The following SCAF4 variants were observed in gnomAD, a reference collection of about 807,000 sequenced individuals.
SCAF4 encodes the protein SR-related and CTD-associated factor 4.
Under a neutral mutation model 129.8 loss-of-function variants are expected in SCAF4, and 25 were observed. The observed-to-expected ratio is 0.19, with a 90% CI of 0.14 to 0.27. SCAF4 has a LOEUF of 0.27. Ranked by LOEUF, SCAF4 falls within the 10% of genes least tolerant of loss-of-function variation. SCAF4 has a pLI of 1.00. For missense variants in SCAF4, 1,246 were observed against 1,457.1 expected (o/e 0.86, Z 2.36); for synonymous variants, 551 against 497.7 (o/e 1.11, Z -1.43).
At chr21:31,704,596 CAG>C (rs1051299205) in intron 3 of SCAF4, among the ~76,000 whole-genome samples, 23 of 151,188 alleles carry the variant, frequency 1.5e-4, no homozygotes, top group East Asian at 1.4e-3. Context: ...GTAACAACCG[CAG>C]AGGAGTATTT....
At chr21:31,708,740 T>G (rs2050728764) in intron 1 of SCAF4, among the ~76,000 whole-genome samples, 2 of 152,296 alleles carry the variant, frequency 1.3e-5, no homozygotes, top group South Asian at 4.1e-4. Context: ...CTAGAAACCC[T>G]CCCTTCCTTG....
intron 16 of SCAF4, among the ~76,000 whole-genome samples, chr21:31,687,325 A>C (rs1354638871): frequency 6.6e-6 from 1 of 152,200 alleles, no homozygotes; most frequent in African/African-American, 2.4e-5. Context: ...ATATTATCTC[A>C]TTTAACCCTC....
In SCAF4 at chr21:31,694,267, C is replaced by G. The variant is rs772888194; in HGVS notation, c.1259G>C (p.Cys420Ser). 1.9e-6 allele frequency: 3 copies of G among 1,604,994 alleles called. No homozygotes were observed. Among genetic ancestry groups the G allele is most frequent in the East Asian group, 2.2e-5 (1 of 44,710 alleles). ...HQQEMEVEQP[C>S]IQEVKRHMSD... Reference sequence around the variant, plus strand: ...CATATGTCGCTTAACCTCTTGAATACAAGGTTGTTCTACTTCCATTTCCTT... The same window carrying G: ...CATATGTCGCTTAACCTCTTGAATAGAAGGTTGTTCTACTTCCATTTCCTT... Residue 420 changes from cysteine to serine, a missense_variant, in exon 11 of 20, where the codon TGT becomes TCT. Physicochemically the swap from Cys to Ser is moderately radical, Grantham distance 112. This residue lies in a region of SCAF4 where 236 missense variants were observed against 210.0 expected (regional missense o/e 1.12). Coordinates refer to ENST00000286835, the MANE Select transcript of SCAF4 (RefSeq NM_020706.2).
In SCAF4 at chr21:31,693,339, G is replaced by C. The variant is rs1430728854; in HGVS notation, c.1468C>G (p.Arg490Gly). ...ACTTGAGGGAGGCCTTTTTGTCGAC[G>C]TTCTCTCTCTTTTTCTCGATCCCGT... ...ERRDREKERE[R>G]RQKGLPQVKP... Residue 490 changes from arginine to glycine, a missense_variant, in exon 12 of 20, where the codon CGT becomes GGT. By Grantham distance (125) the Arg-to-Gly change is moderately radical. Around this residue, in one of 6 missense-constraint regions of SCAF4, gnomAD observed 468 missense variants for 605.5 expected, o/e 0.77. Transcript: ENST00000286835. 1 of 1,527,896 alleles carries C rather than the reference G, an allele frequency of 6.5e-7. No individual in the cohort carries two copies. The highest frequency in any genetic ancestry group is 1.4e-5 in the African/African-American group (1 of 72,124). 94.6% of individuals were successfully genotyped at this position (1,527,896 alleles called of 1,614,324 possible).
At chr21:31,708,301 A>G (rs1401922648) in intron 1 of SCAF4, among the ~76,000 whole-genome samples, 1 of 151,942 alleles carries the variant, frequency 6.6e-6, no homozygotes, top group Non-Finnish European at 1.5e-5. Context: ...GCTTGAACCC[A>G]GGAGGCGGAC....
intron 1 of SCAF4, among the ~76,000 whole-genome samples, chr21:31,717,842 T>TATACACAC (rs547466352): frequency 7.9e-5 from 9 of 114,384 alleles, no homozygotes; most frequent in East Asian, 4.7e-4. Flanking sequence ...TATATATATA[T>TATACACAC]ACACACACAC....
chr21:31,723,629 T>TGTGTGTGCGCGC (rs1271033175), intron 1 of SCAF4, among the ~76,000 whole-genome samples: 7 of 149,000 alleles, frequency 4.7e-5, no homozygotes, highest in African/African-American at 1.5e-4. Flanking sequence ...TGTGTGTGTG[T>TGTGTGTGCGCGC]GCGCGCGCGC....
intron 1 of SCAF4, among the ~76,000 whole-genome samples, chr21:31,718,653 C>A (rs1390123680): frequency 6.6e-6 from 1 of 152,220 alleles, no homozygotes; most frequent in African/African-American, 2.4e-5. Flanking sequence ...CCTGCTCCGA[C>A]TGAGCAGAGT....
chr21:31,729,776 C>T (rs187146705), intron 1 of SCAF4, among the ~76,000 whole-genome samples: 1 of 152,122 alleles, frequency 6.6e-6, no homozygotes, highest in Non-Finnish European at 1.5e-5. Context: ...TAAGAAAATG[C>T]TCATTTTGCA....
intron 1 of SCAF4, among the ~76,000 whole-genome samples, chr21:31,717,842 T>TATATATATACAC (rs547466352): frequency 1.7e-5 from 2 of 114,384 alleles, no homozygotes; most frequent in Non-Finnish European, 3.5e-5. Context: ...TATATATATA[T>TATATATATACAC]ACACACACAC....
intron 3 of SCAF4, 91 bp downstream of exon 3, chr21:31,705,332 T>C: frequency 6.7e-6 from 4 of 601,182 alleles, no homozygotes; most frequent in Non-Finnish European, 1.1e-5. Context: ...TTTTATGAAG[T>C]GGTTTAGAAA....
chr21:31,724,431 C>T (rs1488241782), intron 1 of SCAF4, among the ~76,000 whole-genome samples: 6 of 152,164 alleles, frequency 3.9e-5, no homozygotes, highest in Admixed American at 2.6e-4. Flanking sequence ...ATATACCTGA[C>T]AACACAGTGT....
At chr21:31,694,027 T>C (rs1312041034) in intron 11 of SCAF4, among the ~76,000 whole-genome samples, 177 bp downstream of exon 11, 3 of 152,148 alleles carry the variant, frequency 2.0e-5, no homozygotes, top group East Asian at 1.9e-4. Flanking sequence ...ATGAATGATG[T>C]AGTTTTTTTT....
intron 14 of SCAF4, 143 bp downstream of exon 14, chr21:31,691,672 TAA>T (rs5843527): frequency 0.027 from 7,343 of 277,004 alleles, no homozygotes; most frequent in Middle Eastern, 0.043. Flanking sequence ...AAATATTCTT[TAA>T]AAAAAAAAAA....
In SCAF4 at chr21:31,671,189, C is replaced by CA. The variant is rs2049680694; in HGVS notation, c.*209dup. The CA allele has an allele frequency of 7.0e-6, 3 of 429,640 alleles. No homozygotes were observed. The South Asian group carries it at 2.7e-4, about 38-fold the overall frequency. The allele number at this position is 429,640 out of a possible 1,614,324, so 26.6% of individuals were successfully genotyped here. On this transcript the variant is annotated 3_prime_UTR_variant, in exon 20 of 20. Transcript: ENST00000286835. ...AGTCAAAACTTTTAAAAAGTTACAG[C>CA]AAAAAGGGTAATATTTATTCATATT...
In SCAF4 at chr21:31,696,613, A is replaced by G. The variant is rs1297866067; in HGVS notation, c.915T>C (p.Ala305=). The G allele has an allele frequency of 1.9e-6, 3 of 1,611,590 alleles. No homozygotes were observed. Among genetic ancestry groups the G allele is most frequent in the African/African-American group, 2.7e-5 (2 of 74,580 alleles). ...GAGGAGAGGCAGCAGCGGGTGCAGCAGCAGCAGGCACGGTGGCGGTGGGTG... is the reference window on the plus strand; with the variant it reads ...GAGGAGAGGCAGCAGCGGGTGCAGCGGCAGCAGGCACGGTGGCGGTGGGTG... ...PPAPTATVPA[A]AAPAAASPPP... Residue 305 remains alanine (A), a synonymous_variant, in exon 8 of 20, where the codon GCT becomes GCC. Coordinates refer to ENST00000286835, the MANE Select transcript of SCAF4 (RefSeq NM_020706.2).
chr21:31,707,221 C>T (rs187999289), intron 1 of SCAF4, among the ~76,000 whole-genome samples: 11 of 152,160 alleles, frequency 7.2e-5, no homozygotes, highest in Middle Eastern at 3.4e-3. Context: ...GCCATGGTGG[C>T]GCACACCTGT....
At chr21:31,697,845 C>T (rs1247935579) in intron 7 of SCAF4, among the ~76,000 whole-genome samples, 5 of 152,162 alleles carry the variant, frequency 3.3e-5, no homozygotes, top group Admixed American at 2.6e-4. Flanking sequence ...TAGTTCTAGG[C>T]CAAGTGAGTA....
chr21:31,686,217 GAAAAA>G (rs78764330), intron 16 of SCAF4, among the ~76,000 whole-genome samples: 1 of 88,900 alleles, frequency 1.1e-5, no homozygotes, highest in Non-Finnish European at 2.2e-5. Flanking sequence ...AAAAAAAAAA[GAAAAA>G]AAAAAAAAAG....
Sources: allele counts gnomAD v4.1 joint callset (sites outside exome capture counted in the v4.1 genomes callset), GRCh38; gene constraint gnomAD v4.1.1; regional missense constraint gnomAD v4.1.1; transcripts MANE v1.5; gene names NCBI Gene and HGNC (gene_info 2026-07-23, HGNC 2026-07-21).